Variants in ALKBH4 observed in about 807,000 individuals in gnomAD.
ALKBH4 encodes alkB homolog 4, lysine demethylase.
A neutral mutation model predicts 12.1 loss-of-function variants in ALKBH4; 8 were observed. That is an observed-to-expected ratio of 0.66 (90% CI 0.39 to 1.19). The LOEUF (loss-of-function observed/expected upper bound fraction) is 1.19. Ranked by LOEUF, ALKBH4 falls within the 50% of genes most tolerant of loss-of-function variation. The pLI, the probability that ALKBH4 is intolerant of heterozygous loss-of-function variation, is 0.01. For synonymous variants in ALKBH4, 195 were observed against 191.6 expected (o/e 1.02, Z -0.15); for missense variants, 403 against 430.4 (o/e 0.94, Z 0.56).
chr7:102,457,213 G>T lies in ALKBH4; in HGVS notation c.*181C>A. The stretch of plus-strand genomic sequence containing the variant: ...CCAAAAAAGTGTGGCCACGGTCCAG[G>T]TGGAAGGGGGCTGCCTGGAGGTACG... On this transcript the variant is annotated 3_prime_UTR_variant, in exon 3 of 3. Coordinates refer to ENST00000292566, the MANE Select transcript of ALKBH4 (RefSeq NM_017621.4). This position sits in a 1 kb window ranked among gnomAD's most constrained non-coding sequence, Gnocchi z 5.9. 1.5e-6 allele frequency: 1 copy of T among 653,966 alleles called. No homozygotes were observed. Among genetic ancestry groups the T allele is most frequent in the East Asian group, 2.8e-5 (1 of 35,428 alleles). The allele number at this position is 653,966 out of a possible 1,614,324, so 40.5% of individuals were successfully genotyped here.
rs371495394 is a variant in ALKBH4, at chr7:102,457,317, G to A, written c.*77C>T. 5.8e-4 allele frequency: 850 copies of A among 1,476,510 alleles called. 7 individuals are homozygous for A. The African/African-American group carries it at 9.2e-3, about 16-fold the overall frequency. 91.5% of individuals were successfully genotyped at this position (1,476,510 alleles called of 1,614,324 possible). The stretch of plus-strand genomic sequence containing the variant: ...GTCAGCCATCTTCTCTTGAAACCCC[G>A]TGAGTTGCAGGAGGCCCTGTTCTGT... On this transcript the variant is annotated 3_prime_UTR_variant, in exon 3 of 3. Transcript: ENST00000292566. This position sits in a 1 kb window ranked among gnomAD's most constrained non-coding sequence, Gnocchi z 5.9.
rs1797902362 is a variant in ALKBH4, at chr7:102,464,825, A to T, written c.12T>A (p.Ala4=). 6.6e-7 allele frequency: 1 copy of T among 1,525,006 alleles called. No homozygotes were observed. Among genetic ancestry groups the T allele is most frequent in the South Asian group, 1.2e-5 (1 of 82,542 alleles). The allele number at this position is 1,525,006 out of a possible 1,614,324, so 94.5% of individuals were successfully genotyped here. Residue 4 remains alanine (A), a synonymous_variant, in exon 1 of 3, where the codon GCT becomes GCA. Transcript: ENST00000292566. Reference sequence around the variant, plus strand: ...GAAGGACTTCGGGGGTCTCGGCGGCAGCCGCCGCCATCGCGCCGTCCGCGT... The same window carrying T: ...GAAGGACTTCGGGGGTCTCGGCGGCTGCCGCCGCCATCGCGCCGTCCGCGT... MAA[A]AAETPEVLRE... is the part of the protein sequence containing the mutation.
chr7:102,457,510 G>A lies in ALKBH4; in HGVS notation c.793C>T (p.Arg265Cys), dbSNP rs777325120. The A allele has an allele frequency of 6.2e-6, 10 of 1,613,156 alleles. No homozygotes were observed. Among genetic ancestry groups the A allele is most frequent in the East Asian group, 2.2e-5 (1 of 44,880 alleles). Reference sequence around the variant, plus strand: ...AGCTCCCGGAAAGTGACGCAGACGCGGCGGGCCTCGATGTGTCTGCGGTGG... The same window carrying A: ...AGCTCCCGGAAAGTGACGCAGACGCAGCGGGCCTCGATGTGTCTGCGGTGG... ...AIHRRHIEAR[R>C]VCVTFRELSA... The change falls in exon 3 of 3, where the codon CGC (arginine) becomes TGC (cysteine). Residue 265 changes from arginine to cysteine, a missense_variant. Coordinates refer to ENST00000292566, the MANE Select transcript of ALKBH4 (RefSeq NM_017621.4). This position sits in a 1 kb window ranked among gnomAD's most constrained non-coding sequence, Gnocchi z 5.9.
At position 102,457,906 on chromosome 7, in the gene ALKBH4, G is replaced by A. The variant is rs752798925; in HGVS notation, c.397C>T (p.Arg133Trp). ...EGFCGLPSFS[R>W]EVVRRMGLYP... ...AGGCCCATCCTCCGCACCACCTCCC[G>A]GCTGAAGCTGGGGAGGCCGCAGAAG... Residue 133 changes from arginine to tryptophan, a missense_variant, in exon 3 of 3, where the codon CGG (arginine) becomes TGG (tryptophan). Coordinates refer to ENST00000292566, the MANE Select transcript of ALKBH4 (RefSeq NM_017621.4). The surrounding 1 kb of genome is among the most constrained non-coding windows in gnomAD (Gnocchi z 5.9). 2.3e-5 allele frequency: 37 copies of A among 1,613,310 alleles called. No individual in the cohort carries two copies. The highest frequency in any genetic ancestry group is 6.6e-5 in the South Asian group (6 of 91,078).
intron 1 of ALKBH4, among the ~76,000 whole-genome samples, chr7:102,462,955 C>CTTTTTT (rs200495061): frequency 8.2e-6 from 1 of 121,920 alleles, no homozygotes; most frequent in Non-Finnish European, 1.7e-5. Context: ...TCAAAATGTC[C>CTTTTTT]TTTTTTTTTT....
rs71106683 is a variant in ALKBH4 at position 102,463,322 on chromosome 7, C to CTTTTT, written c.123+1387_123+1391dup. ...CCACATTTTGTGGATCAAGTCATCTCTTTTTTTTTTTTTTTTTTTTTTTTT... is the reference window on the plus strand; with the variant it reads ...CCACATTTTGTGGATCAAGTCATCTCTTTTTTTTTTTTTTTTTTTTTTTTTTTTTT... On this transcript the variant is annotated intron_variant, in intron 1 of 2. Coordinates refer to ENST00000292566, the MANE Select transcript of ALKBH4 (RefSeq NM_017621.4). 1.7e-3 allele frequency among the ~76,000 whole-genome samples: 101 copies of CTTTTT among 58,312 alleles called. 4 individuals are homozygous for CTTTTT. Among genetic ancestry groups the CTTTTT allele is most frequent in the African/African-American group, 2.8e-3 (37 of 13,454 alleles). 38.3% of individuals were successfully genotyped at this position (58,312 alleles called of 152,430 possible). A position where few individuals can be genotyped will look rare whatever the true frequency, so the allele number is the denominator to read the frequency against.
chr7:102,460,067 T>C (rs369613148), intron 1 of ALKBH4, among the ~76,000 whole-genome samples: 1 of 151,802 alleles, frequency 6.6e-6, no homozygotes, highest in African/African-American at 2.4e-5. Context: ...AGCTGGAGAA[T>C]TGCTTAAACC....
chr7:102,460,647 C>G (rs537140433), intron 1 of ALKBH4, among the ~76,000 whole-genome samples: 1 of 152,188 alleles, frequency 6.6e-6, no homozygotes, highest in Non-Finnish European at 1.5e-5. Context: ...GGAACCAGCC[C>G]GAGGCTGGAC....
chr7:102,460,924 A>G (rs1483635948), intron 1 of ALKBH4, among the ~76,000 whole-genome samples: 1 of 152,032 alleles, frequency 6.6e-6, no homozygotes, highest in Admixed American at 6.6e-5. Context: ...CAGACCCAGC[A>G]TCACCCCTCA....
intron 1 of ALKBH4, among the ~76,000 whole-genome samples, chr7:102,461,948 C>G (rs1797807706): frequency 6.6e-6 from 1 of 152,210 alleles, no homozygotes; most frequent in Non-Finnish European, 1.5e-5. Context: ...GGGCCGCTGT[C>G]TTTCTCTGTT....
intron 2 of ALKBH4, chr7:102,459,323 G>A (rs149945823): frequency 5.8e-6 from 2 of 345,518 alleles, no homozygotes; most frequent in Non-Finnish European, 1.1e-5. Context: ...CTGCAGCTTG[G>A]GAGAATGGGG....
chr7:102,464,574 C>A, intron 1 of ALKBH4, 140 bp downstream of exon 1: 3 of 1,271,534 alleles, frequency 2.4e-6, no homozygotes, highest in Non-Finnish European at 2.0e-6. Flanking sequence ...TTAAAGCCCT[C>A]ATCTCCTCAC....
Position 102,457,661 on chromosome 7 carries a change from C to A in ALKBH4, c.642G>T (p.Leu214Phe), listed in dbSNP as rs1797685188. 6 of 1,566,610 alleles carry A rather than the reference C, an allele frequency of 3.8e-6. No homozygotes were observed. The highest frequency in any genetic ancestry group is 4.3e-6 in the Non-Finnish European group (5 of 1,162,494). The part of the protein sequence containing the change: ...CSAPSAAPEA[L>F]VDSVIAPSRS... Reference sequence around the variant, plus strand: ...GGCTGGGTGCTATCACGCTGTCCACCAAGGCCTCCGGGGCAGCCGACGGGG... The same window carrying A: ...GGCTGGGTGCTATCACGCTGTCCACAAAGGCCTCCGGGGCAGCCGACGGGG... Residue 214 changes from leucine (L) to phenylalanine (F), a missense_variant, in exon 3 of 3, where the codon TTG becomes TTT. Transcript: ENST00000292566. The surrounding 1 kb of genome is among the most constrained non-coding windows in gnomAD (Gnocchi z 5.9).
At chr7:102,463,668 G>C (rs971617670) in intron 1 of ALKBH4, among the ~76,000 whole-genome samples, 2 of 152,094 alleles carry the variant, frequency 1.3e-5, no homozygotes, top group Non-Finnish European at 2.9e-5. Context: ...TTCCATCTTT[G>C]GGCTGTCATG....
At chr7:102,463,773 A>T (rs185747497) in intron 1 of ALKBH4, among the ~76,000 whole-genome samples, 2 of 152,278 alleles carry the variant, frequency 1.3e-5, no homozygotes, top group African/African-American at 2.4e-5. Context: ...AGGATTGCGG[A>T]TCATGGGTAA....
At chr7:102,459,297 T>C in intron 2 of ALKBH4, 1 of 300,332 alleles carries the variant, frequency 3.3e-6, no homozygotes, top group Non-Finnish European at 6.2e-6. Context: ...ATGGTGACAA[T>C]GGGAGGTGGG....
Position 102,464,771 on chromosome 7 carries a change from G to A in ALKBH4, c.66C>T (p.Thr22=), listed in dbSNP as rs1797899478. Residue 22 remains threonine, a synonymous_variant, in exon 1 of 3, where the codon ACC becomes ACT. Coordinates refer to ENST00000292566, the MANE Select transcript of ALKBH4 (RefSeq NM_017621.4). ...LRECGCKGIR[T]CLICERQRGS... Reference sequence around the variant, plus strand: ...CGCGCTGCCGCTCGCAGATCAGACAGGTCCGGATGCCCTTGCAACCGCATT... The same window carrying A: ...CGCGCTGCCGCTCGCAGATCAGACAAGTCCGGATGCCCTTGCAACCGCATT... 1.9e-6 allele frequency: 3 copies of A among 1,573,560 alleles called. No individual in the cohort carries two copies. The highest frequency in any genetic ancestry group is 2.5e-5 in the East Asian group (1 of 39,410).
chr7:102,457,165 C>T lies in ALKBH4; in HGVS notation c.*229G>A, dbSNP rs1465546255. 5 of 534,362 alleles carry T rather than the reference C, an allele frequency of 9.4e-6. No homozygotes were observed. The highest frequency in any genetic ancestry group is 1.7e-5 in the Non-Finnish European group (5 of 301,856). The allele number at this position is 534,362 out of a possible 1,614,324, so 33.1% of individuals were successfully genotyped here. On this transcript the variant is annotated 3_prime_UTR_variant, in exon 3 of 3. Coordinates refer to ENST00000292566, the MANE Select transcript of ALKBH4 (RefSeq NM_017621.4). This position sits in a 1 kb window ranked among gnomAD's most constrained non-coding sequence, Gnocchi z 5.9. ...TTAAGCTCAAATGATCCCATGTCCC[C>T]AAGACTGTGACAAACTAAATAACCA...
intron 1 of ALKBH4, among the ~76,000 whole-genome samples, chr7:102,461,223 G>T (rs1419661203): frequency 6.6e-6 from 1 of 152,046 alleles, no homozygotes; most frequent in African/African-American, 2.4e-5. Context: ...TGTAATCCCA[G>T]CTACTCAGGT....
Sources: allele counts gnomAD v4.1 joint callset (sites outside exome capture counted in the v4.1 genomes callset), GRCh38; gene constraint gnomAD v4.1.1; non-coding constraint Gnocchi (gnomAD v3.1); transcripts MANE v1.5; gene names NCBI Gene and HGNC (gene_info 2026-07-23, HGNC 2026-07-21).